The following TTN variants were observed in gnomAD, a reference collection of about 807,000 sequenced individuals.
TTN encodes the protein connectin.
A neutral mutation model predicts 3,223.0 loss-of-function variants in TTN; 1,525 were observed. That is an observed-to-expected ratio of 0.47 (90% CI 0.45 to 0.49). The LOEUF (loss-of-function observed/expected upper bound fraction) is 0.49, where lower values mean the gene tolerates loss of function less well. Ranked by LOEUF, TTN falls within the 20% of genes least tolerant of loss-of-function variation. The probability of loss-of-function intolerance (pLI) is 0.00; values close to 1 mark genes in which losing one functional copy is unlikely to be tolerated. For synonymous variants in TTN, 14,094 were observed against 15,161.0 expected (o/e 0.93, Z 5.17); for missense variants, 40,786 against 43,424.0 (o/e 0.94, Z 5.40).
At position 178,577,750 on chromosome 2, in the gene TTN, G is replaced by T; in HGVS notation, c.68676C>A (p.Asn22892Lys). The change falls in exon 323 of 363, where the codon AAC (asparagine) becomes AAA (lysine). Residue 22892 changes from asparagine to lysine, a missense_variant. Asn to Lys is a moderately conservative substitution (Grantham distance 94). Coordinates refer to ENST00000589042, the MANE Select transcript of TTN (RefSeq NM_001267550.2). Reference sequence around the variant, plus strand: ...AGGCACATTCTGGGACATTAACATGGTTGGCTTTCATCCAAGACTTCGAAG... The same window carrying T: ...AGGCACATTCTGGGACATTAACATGTTTGGCTTTCATCCAAGACTTCGAAG... ...DLPSKSWMKA[N>K]HVNVPECAFT... is the part of the protein sequence containing the mutation. 6.2e-7 allele frequency: 1 copy of T among 1,613,330 alleles called. No individual in the cohort carries two copies. The highest frequency in any genetic ancestry group is 8.5e-7 in the Non-Finnish European group (1 of 1,179,572).
chr2:178,790,909 C>G (rs975799683), intron 10 of TTN, 64 bp from the exon 11 acceptor site: 1 of 1,588,328 alleles, frequency 6.3e-7, no homozygotes, highest in Non-Finnish European at 8.6e-7. Context: ...GGAAGACATC[C>G]TTGAAACACT....
In TTN at chr2:178,546,641, C is replaced by T; in HGVS notation, c.94787G>A (p.Gly31596Glu). 1.2e-6 allele frequency: 2 copies of T among 1,613,384 alleles called. No individual in the cohort carries two copies. Among genetic ancestry groups the T allele is most frequent in the East Asian group, 2.2e-5 (1 of 44,844 alleles). The change falls in exon 341 of 363, where the codon GGG (glycine) becomes GAG (glutamate). Residue 31596 changes from glycine (G) to glutamate (E), a missense_variant. Physicochemically the swap from Gly to Glu is moderately conservative, Grantham distance 98 (BLOSUM62 -2). Coordinates refer to ENST00000589042, the MANE Select transcript of TTN (RefSeq NM_001267550.2). ...AKNAAGVISKGSESTGPVTCR... is the reference protein window; with the variant it reads ...AKNAAGVISKESESTGPVTCR... ...AGTGACAGGGCCTGTAGATTCAGACCCTTTGCTAATTACGCCTGCTGCATT... is the reference window on the plus strand; with the variant it reads ...AGTGACAGGGCCTGTAGATTCAGACTCTTTGCTAATTACGCCTGCTGCATT...
chr2:178,691,371 C>A (rs935770739), intron 121 of TTN, among the ~76,000 whole-genome samples: 11 of 152,284 alleles, frequency 7.2e-5, no homozygotes, highest in African/African-American at 2.6e-4. Context: ...TATACCACAG[C>A]AGCACATTTT....
At position 178,592,066 on chromosome 2, in the gene TTN, C is replaced by T. The variant is rs369265736; in HGVS notation, c.59838G>A (p.Gln19946=). The T allele has an allele frequency of 6.2e-7, 1 of 1,613,070 alleles. No individual in the cohort carries two copies. The highest frequency in any genetic ancestry group is 1.3e-5 in the African/African-American group (1 of 75,006). ...TCTCCGCAGCTACTCGGAAGAGGTA[C>T]TGGTTGCCTTCATTCAGATGCTTAG... ...HFAKHLNEGN[Q]YLFRVAAENQ... The change falls in exon 302 of 363, where the codon CAG becomes CAA. Residue 19946 remains glutamine (Q), a synonymous_variant. Coordinates refer to ENST00000589042, the MANE Select transcript of TTN (RefSeq NM_001267550.2).
At chr2:178,707,922 G>T in intron 99 of TTN, 109 bp from the exon 100 acceptor site, 1 of 1,093,002 alleles carries the variant, frequency 9.1e-7, no homozygotes. Flanking sequence ...TAACACTGTT[G>T]CTGTAGTAGG....
At chr2:178,773,396 G>T in intron 32 of TTN, 27 bp from the exon 33 acceptor site, 1 of 1,613,812 alleles carries the variant, frequency 6.2e-7, no homozygotes, top group South Asian at 1.1e-5. Flanking sequence ...ATAATCTCTT[G>T]GTTATTGTTA....
Position 178,756,575 on chromosome 2 carries a change from T to C in TTN, c.10901A>G (p.His3634Arg), listed in dbSNP as rs753133604. The change falls in exon 46 of 363, where the codon CAT (histidine) becomes CGT (arginine). Residue 3634 changes from histidine (H) to arginine (R), a missense_variant. By Grantham distance (29) the His-to-Arg change is conservative (BLOSUM62 0). Coordinates refer to ENST00000589042, the MANE Select transcript of TTN (RefSeq NM_001267550.2). ...TGCAATTTGTGAAAGGGATGCAGTA[T>C]GGCACAACTGTGTATCTTGAACAGA... ...AASVQDTQLC[H>R]TASLSQIAES... is the part of the protein sequence containing the mutation. 8 of 1,612,028 alleles carry C rather than the reference T, an allele frequency of 5.0e-6. No individual in the cohort carries two copies. In the East Asian group the frequency reaches 1.3e-4, roughly 27 times the overall value.
intron 47 of TTN, among the ~76,000 whole-genome samples, chr2:178,752,456 A>G (rs146489093): frequency 8.5e-5 from 13 of 152,204 alleles, no homozygotes; most frequent in Admixed American, 2.0e-4. Context: ...TTGAGAATCA[A>G]CTATTTAAAG....
chr2:178,693,715 C>A, intron 118 of TTN, 26 bp from the exon 119 acceptor site: 1 of 1,528,880 alleles, frequency 6.5e-7, no homozygotes, highest in South Asian at 1.2e-5. Flanking sequence ...ATTTTAATTA[C>A]TGATATGCCA....
In TTN at chr2:178,717,094, C is replaced by A. The variant is rs1220111705; in HGVS notation, c.25639+1G>T. 5 of 1,608,342 alleles carry A rather than the reference C, an allele frequency of 3.1e-6. No individual in the cohort carries two copies. The highest frequency in any genetic ancestry group is 4.3e-6 in the Non-Finnish European group (5 of 1,175,926). ...TCTTGCTCCTTCACTCTAACAAGTACCTTGTACACCCAGCTGAGCAGAACA... is the reference window on the plus strand; with the variant it reads ...TCTTGCTCCTTCACTCTAACAAGTAACTTGTACACCCAGCTGAGCAGAACA... On this transcript the variant is annotated splice_donor_variant, in intron 88 of 362. Coordinates refer to ENST00000589042, the MANE Select transcript of TTN (RefSeq NM_001267550.2). LOFTEE classifies it high-confidence loss of function.
chr2:178,770,945 A>C (rs1019561752), intron 34 of TTN: 2 of 768,020 alleles, frequency 2.6e-6, no homozygotes, highest in Non-Finnish European at 4.5e-6. Flanking sequence ...GACTGATTGG[A>C]GAAGGGTGAA....
rs767254163 is a variant in TTN, at chr2:178,597,530, G to T, written c.57544+8C>A. On this transcript the variant is annotated splice_region_variant and intron_variant, in intron 294 of 362. Transcript: ENST00000589042. ...AAAAAGTTGCACAGACAAATTGAAA[G>T]TATTTACCTAATACATCAACAATAA... 1 of 1,607,398 alleles carries T rather than the reference G, an allele frequency of 6.2e-7. No homozygotes were observed. The highest frequency in any genetic ancestry group is 1.1e-5 in the South Asian group (1 of 89,884).
chr2:178,568,383 A>G lies in TTN; in HGVS notation c.77749T>C (p.Tyr25917His), dbSNP rs370137092. The G allele has an allele frequency of 5.1e-5, 83 of 1,613,140 alleles. No homozygotes were observed. Among genetic ancestry groups the G allele is most frequent in the Admixed American group, 8.3e-5 (5 of 59,910 alleles). ...TTGGTGATTTGGCAGCCCCCTGTAT[A>G]TAATGGAGGGTTCCAAGATAATGTA... is the stretch of plus-strand genomic sequence containing the variant. Reference protein sequence around the residue: ...SITLSWNPPLYTGGCQITNYI... With the variant: ...SITLSWNPPLHTGGCQITNYI... Residue 25917 changes from tyrosine to histidine, a missense_variant, in exon 326 of 363, where the codon TAT (tyrosine) becomes CAT (histidine). Tyr to His is a moderately conservative substitution (Grantham distance 83). Transcript: ENST00000589042.
chr2:178,646,439 G>T (rs1427717482), intron 216 of TTN, 46 bp downstream of exon 216: 2 of 1,276,752 alleles, frequency 1.6e-6, no homozygotes, highest in Non-Finnish European at 2.2e-6. Flanking sequence ...TACATTTCAA[G>T]AGAAAGAATA....
chr2:178,776,919 C>G lies in TTN; in HGVS notation c.4945G>C (p.Val1649Leu). The part of the protein sequence containing the change: ...DTTRCKVNVE[V>L]EFAEPEPERK... The stretch of plus-strand genomic sequence containing the variant: ...TCTGGCTCAGGCTCTGCAAACTCAA[C>G]TTCAACATTTACTTTGCATCTTGTA... The change falls in exon 28 of 363, where the codon GTT (valine) becomes CTT (leucine). Residue 1649 changes from valine (V) to leucine (L), a missense_variant. By Grantham distance (32) the Val-to-Leu change is conservative. Transcript: ENST00000589042. 6.2e-7 allele frequency: 1 copy of G among 1,613,330 alleles called. No homozygotes were observed. Among genetic ancestry groups the G allele is most frequent in the Non-Finnish European group, 8.5e-7 (1 of 1,179,612 alleles).
At position 178,588,544 on chromosome 2, in the gene TTN, G is replaced by T; in HGVS notation, c.63181C>A (p.Pro21061Thr). 1 of 1,524,316 alleles carries T rather than the reference G, an allele frequency of 6.6e-7. No individual in the cohort carries two copies. The highest frequency in any genetic ancestry group is 8.8e-7 in the Non-Finnish European group (1 of 1,140,008). The allele number at this position is 1,524,316 out of a possible 1,614,324, so 94.4% of individuals were successfully genotyped here. ...LPSRPVVAKD[P>T]IEPPGPPTNF... is the part of the protein sequence containing the mutation. ...AAAAACAAGGACATCCTACCTATGG[G>T]GTCTTTTGCCACCACCGGTCTTGAA... Residue 21061 changes from proline to threonine, a missense_variant, in exon 304 of 363, where the codon CCC (proline) becomes ACC (threonine). By Grantham distance (38) the Pro-to-Thr change is conservative. Coordinates refer to ENST00000589042, the MANE Select transcript of TTN (RefSeq NM_001267550.2).
Position 178,632,424 on chromosome 2 carries a change from A to G in TTN, c.43481-11T>C. ...ATTTGAGCCGGATTCCTATCAAGAA[A>G]AAAAAGAAAGAACTTATTAATTGAA... On this transcript the variant is annotated splice_polypyrimidine_tract_variant and intron_variant, in intron 235 of 362. Coordinates refer to ENST00000589042, the MANE Select transcript of TTN (RefSeq NM_001267550.2). 6.4e-7 allele frequency: 1 copy of G among 1,573,460 alleles called. No individual in the cohort carries two copies. Among genetic ancestry groups the G allele is most frequent in the Non-Finnish European group, 8.6e-7 (1 of 1,165,094 alleles).
At chr2:178,721,292 T>C (rs976177927) in intron 78 of TTN, 90 bp from the exon 79 acceptor site, 6 of 1,136,820 alleles carry the variant, frequency 5.3e-6, no homozygotes, top group Non-Finnish European at 6.9e-6. Context: ...CATAAATTTA[T>C]ATTTAAACTG....
intron 344 of TTN, 32 bp downstream of exon 344, chr2:178,545,356 C>T (rs1473052886): frequency 1.3e-6 from 2 of 1,509,564 alleles, no homozygotes; most frequent in Non-Finnish European, 1.8e-6. Context: ...TTTTGAGGAG[C>T]ATTGTATTTA....
Sources: gnomAD v4.1 joint callset for allele counts (sites outside exome capture counted in the v4.1 genomes callset) on GRCh38, gnomAD v4.1.1 for gene constraint, MANE v1.5 for transcripts, NCBI Gene and HGNC (gene_info 2026-07-23, HGNC 2026-07-21) for gene names.